DACH2: variants seen among roughly 807,000 people sequenced by gnomAD.
The protein encoded by DACH2 is dachshund homolog 2.
A neutral mutation model predicts 35.8 loss-of-function variants in DACH2; 17 were observed. The observed-to-expected ratio is 0.48, with a 90% CI of 0.33 to 0.71. The LOEUF is 0.71. Among genes scored for constraint, DACH2 ranks in the 30% least tolerant of loss-of-function variants. The pLI is 0.02. For synonymous variants in DACH2, 195 were observed against 177.3 expected (o/e 1.10, Z -0.79); for missense variants, 469 against 472.7 (o/e 0.99, Z 0.07).
Position 86,298,506 on chromosome X carries a change from A to G in DACH2, c.489-78318A>G, listed in dbSNP as rs147334787. On this transcript the variant is annotated intron_variant, in intron 1 of 11. Transcript: ENST00000373125. ...ACCAAGTGGTTTTGTTGACATATTT[A>G]TGAAGTTTTATAATAGAATAAACTG... 5.1e-3 allele frequency among the ~76,000 whole-genome samples: 570 copies of G among 111,848 alleles called. 4 individuals are homozygous for G. The highest frequency in any genetic ancestry group is 0.018 in the African/African-American group (541 of 30,890).
At chrX:86,265,596 T>C (rs188294983) in intron 1 of DACH2, among the ~76,000 whole-genome samples, 12 of 112,259 alleles carry the variant, frequency 1.1e-4, no homozygotes, top group Non-Finnish European at 2.1e-4. Context: ...ACATTTTGAA[T>C]ATTTGCACAT....
At chrX:86,546,336 T>TTCCTCC (rs1157645160) in intron 3 of DACH2, among the ~76,000 whole-genome samples, 3 of 80,582 alleles carry the variant, frequency 3.7e-5, no homozygotes, top group African/African-American at 1.2e-4. Context: ...CTTCTTCTTC[T>TTCCTCC]TCCTCTTCTT....
intron 7 of DACH2, among the ~76,000 whole-genome samples, chrX:86,762,990 T>G (rs1173634437): frequency 9.0e-6 from 1 of 111,297 alleles, no homozygotes; most frequent in African/African-American, 3.3e-5. Context: ...AACCATTATT[T>G]CACTCTCTAT....
intron 4 of DACH2, among the ~76,000 whole-genome samples, chrX:86,679,585 T>G (rs1387978226): frequency 1.9e-5 from 2 of 104,523 alleles, no homozygotes; most frequent in Non-Finnish European, 3.9e-5. Context: ...GCATAGGTTT[T>G]ATATGTCTCT....
chrX:86,507,599 T>G (rs759054268), intron 2 of DACH2, among the ~76,000 whole-genome samples: 1 of 110,981 alleles, frequency 9.0e-6, no homozygotes, highest in Non-Finnish European at 1.9e-5. Flanking sequence ...GGTCAAATAC[T>G]ACGGTTAGCA....
At chrX:86,464,208 G>GAC (rs1476006262) in intron 2 of DACH2, among the ~76,000 whole-genome samples, 2 of 111,017 alleles carry the variant, frequency 1.8e-5, no homozygotes, top group Non-Finnish European at 3.8e-5. Flanking sequence ...CTACTATAAA[G>GAC]ACACACACAC....
In DACH2 at chrX:86,797,161, G is replaced by A. The variant is rs139273625; in HGVS notation, c.1241-15695G>A. ...AAGGGGCAACTACTGTGTGTGTAAGGATAGAATCCAATTGGGAAAGATAAG... is the reference window on the plus strand; with the variant it reads ...AAGGGGCAACTACTGTGTGTGTAAGAATAGAATCCAATTGGGAAAGATAAG... On this transcript the variant is annotated intron_variant, in intron 7 of 11. Coordinates refer to ENST00000373125, the MANE Select transcript of DACH2 (RefSeq NM_053281.3). 3.7e-3 allele frequency among the ~76,000 whole-genome samples: 409 copies of A among 110,943 alleles called. 1 individual carries two copies. Among genetic ancestry groups the A allele is most frequent in the African/African-American group, 0.013 (399 of 30,627 alleles).
intron 1 of DACH2, among the ~76,000 whole-genome samples, chrX:86,176,255 A>G (rs935679472): frequency 9.0e-6 from 1 of 111,390 alleles, no homozygotes; most frequent in Non-Finnish European, 1.9e-5. Flanking sequence ...TGGAATTCCA[A>G]GAAGGGGCCA....
intron 1 of DACH2, among the ~76,000 whole-genome samples, chrX:86,319,122 C>T (rs183498493): frequency 1.2e-3 from 134 of 111,779 alleles, no homozygotes; most frequent in African/African-American, 4.1e-3. Context: ...AGCAGATTAG[C>T]ATTTTAAGAA....
chrX:86,581,754 A>G (rs759928862), intron 3 of DACH2, among the ~76,000 whole-genome samples: 1 of 111,854 alleles, frequency 8.9e-6, no homozygotes, highest in African/African-American at 3.2e-5. Flanking sequence ...TTAGAGACCT[A>G]TGAAGAGACT....
chrX:86,304,051 A>T (rs909325256), intron 1 of DACH2, among the ~76,000 whole-genome samples: 2 of 111,910 alleles, frequency 1.8e-5, no homozygotes, highest in African/African-American at 3.2e-5. Flanking sequence ...ACTGAAACAA[A>T]ATAAAGAGCC....
At chrX:86,171,500 AG>A (rs1187026457) in intron 1 of DACH2, among the ~76,000 whole-genome samples, 1 of 111,603 alleles carries the variant, frequency 9.0e-6, no homozygotes, top group East Asian at 2.8e-4. Context: ...CTCAGTGGTG[AG>A]GTTTGCTGAT....
chrX:86,550,143 A>C (rs542274097), intron 3 of DACH2, among the ~76,000 whole-genome samples: 5 of 111,666 alleles, frequency 4.5e-5, no homozygotes, highest in African/African-American at 1.6e-4. Flanking sequence ...GTGTTGCATA[A>C]TTCTTGGTGA....
At chrX:86,581,038 C>G (rs946271064) in intron 3 of DACH2, among the ~76,000 whole-genome samples, 1 of 111,589 alleles carries the variant, frequency 9.0e-6, no homozygotes, top group Non-Finnish European at 1.9e-5. Flanking sequence ...AACAGTAGAC[C>G]TTTCATCAGA....
chrX:86,701,867 G>A (rs753469921), intron 5 of DACH2, among the ~76,000 whole-genome samples: 2 of 111,251 alleles, frequency 1.8e-5, no homozygotes, highest in East Asian at 5.7e-4. Flanking sequence ...CCTACTGGAG[G>A]GTGGAGGGTA....
intron 1 of DACH2, among the ~76,000 whole-genome samples, chrX:86,156,051 T>C (rs2147858769): frequency 9.0e-6 from 1 of 111,444 alleles, no homozygotes; most frequent in African/African-American, 3.2e-5. Flanking sequence ...TCTTCAACAC[T>C]AAATTTGTAT....
chrX:86,414,271 G>T (rs868628280), intron 2 of DACH2, among the ~76,000 whole-genome samples: 1 of 111,051 alleles, frequency 9.0e-6, no homozygotes, highest in South Asian at 3.8e-4. Context: ...GAATGCAGTA[G>T]GCTTCCTATC....
chrX:86,598,423 C>T (rs928544154), intron 3 of DACH2, among the ~76,000 whole-genome samples: 6 of 111,883 alleles, frequency 5.4e-5, no homozygotes, highest in African/African-American at 2.0e-4. Flanking sequence ...TGGTATCACA[C>T]CCAGCTGTTA....
chrX:86,226,608 T>A (rs2032828877), intron 1 of DACH2, among the ~76,000 whole-genome samples: 1 of 111,790 alleles, frequency 8.9e-6, no homozygotes, highest in Non-Finnish European at 1.9e-5. Flanking sequence ...TAAGGCAATT[T>A]TTGCAAGAGA....
Sources: gnomAD v4.1 joint callset for allele counts (sites outside exome capture counted in the v4.1 genomes callset) on GRCh38, gnomAD v4.1.1 for gene constraint, MANE v1.5 for transcripts, NCBI Gene and HGNC (gene_info 2026-07-23, HGNC 2026-07-21) for gene names.